Variants in FLCN observed in about 807,000 individuals in gnomAD.
The protein encoded by FLCN is folliculin, also known as BHD skin lesion fibrofolliculoma protein.
In FLCN, 22 loss-of-function variants were observed where a neutral mutation model predicts 62.5. The observed-to-expected ratio is 0.35, with a 90% CI of 0.25 to 0.50. The LOEUF is 0.50. Ranked by LOEUF, FLCN falls within the 20% of genes least tolerant of loss-of-function variation. The pLI, the probability that FLCN is intolerant of heterozygous loss-of-function variation, is 0.97. For missense variants in FLCN, 657 were observed against 778.0 expected (o/e 0.84, Z 1.85); for synonymous variants, 319 against 310.0 (o/e 1.03, Z -0.30).
Position 17,221,661 on chromosome 17 carries a change from C to T in FLCN, c.780-33G>A, listed in dbSNP as rs114077642. 6,628 of 1,598,142 alleles carry T rather than the reference C, an allele frequency of 4.1e-3. 222 individuals carry two copies. In the African/African-American group the frequency reaches 0.073, roughly 18 times the overall value. ...ACACAGCACCAGCTATGAGCGTTCT[C>T]GCCAAAGGAAAAAGCAAACCTGACG... On this transcript the variant is annotated intron_variant, in intron 7 of 13. Transcript: ENST00000285071.
At chr17:17,218,869 C>CT in intron 9 of FLCN, 150 bp downstream of exon 9, 1 of 807,226 alleles carries the variant, frequency 1.2e-6, no homozygotes, top group Non-Finnish European at 2.0e-6. Flanking sequence ...CCCCAACGCC[C>CT]TGTGCCCTCA....
intron 5 of FLCN, 82 bp downstream of exon 5, chr17:17,226,094 C>G: frequency 1.3e-6 from 2 of 1,585,286 alleles, no homozygotes; most frequent in Non-Finnish European, 1.7e-6. Flanking sequence ...CCTCCCTGTG[C>G]AATGCTGGCT....
intron 9 of FLCN, 78 bp downstream of exon 9, chr17:17,218,941 G>C (rs1378934221): frequency 6.5e-7 from 1 of 1,534,800 alleles, no homozygotes; most frequent in East Asian, 2.3e-5. Flanking sequence ...AGGGTCCAGA[G>C]GCAAGGCGTG....
intron 1 of FLCN, among the ~76,000 whole-genome samples, chr17:17,233,598 C>CA (rs71152852): frequency 0.16 from 11,779 of 75,020 alleles, 841 homozygotes; most frequent in East Asian, 0.21. Flanking sequence ...GACTCCATCT[C>CA]AAAAAAAAAA....
intron 6 of FLCN, among the ~76,000 whole-genome samples, 180 bp downstream of exon 6, chr17:17,223,742 A>T (rs1478340962): frequency 6.6e-6 from 1 of 152,248 alleles, no homozygotes; most frequent in East Asian, 1.9e-4. Flanking sequence ...AGCAGGCGGG[A>T]TGGCCTGGGA....
chr17:17,215,396 C>T (rs1208466486), intron 11 of FLCN, 80 bp from the exon 12 acceptor site: 1 of 1,604,696 alleles, frequency 6.2e-7, no homozygotes, highest in East Asian at 2.2e-5. Context: ...GTGGGCCCCA[C>T]TCCGCTCATC....
intron 6 of FLCN, 91 bp downstream of exon 6, chr17:17,223,831 G>T: frequency 1.5e-6 from 2 of 1,306,486 alleles, no homozygotes; most frequent in Non-Finnish European, 2.2e-6. Context: ...AGGGGAAGAC[G>T]CCACGCGGTC....
upstream of FLCN, chr17:17,237,208 C>T (rs944704662): frequency 6.6e-6 from 1 of 152,286 alleles, no homozygotes; most frequent in African/African-American, 2.4e-5. Context: ...TACCACCACC[C>T]AACACTGCGG....
At chr17:17,233,003 G>A (rs1018354055) in intron 1 of FLCN, 102 bp from the exon 2 acceptor site, 7 of 152,200 alleles carry the variant, frequency 4.6e-5, no homozygotes, top group Admixed American at 6.5e-5. Context: ...AAATAAGAAC[G>A]TGTCTGATGA....
intron 4 of FLCN, among the ~76,000 whole-genome samples, chr17:17,227,066 T>G (rs771435186): frequency 1.3e-5 from 2 of 152,036 alleles, no homozygotes; most frequent in African/African-American, 2.4e-5. Flanking sequence ...CATCCCCCAT[T>G]CCTTACAGGC....
At position 17,213,602 on chromosome 17, in the gene FLCN, T is replaced by A. The variant is rs111861140; in HGVS notation, c.*53A>T. The A allele has an allele frequency of 4.3e-6, 7 of 1,609,806 alleles. No individual in the cohort carries two copies. The highest frequency in any genetic ancestry group is 2.7e-5 in the African/African-American group (2 of 74,914). On this transcript the variant is annotated 3_prime_UTR_variant, in exon 14 of 14. Transcript: ENST00000285071. ...CAAGGGACAGTCCCTCTCACGGGGCTGGAGGATCCTGTGGACAGCCATCCC... is the reference window on the plus strand; with the variant it reads ...CAAGGGACAGTCCCTCTCACGGGGCAGGAGGATCCTGTGGACAGCCATCCC...
chr17:17,223,434 G>A (rs1258921119), intron 6 of FLCN, among the ~76,000 whole-genome samples: 1 of 134,448 alleles, frequency 7.4e-6, no homozygotes, highest in African/African-American at 2.6e-5. Flanking sequence ...TGCCTGCCAG[G>A]ACGACCACAG....
intron 4 of FLCN, 64 bp downstream of exon 4, chr17:17,227,825 G>A (rs1400095738): frequency 3.1e-6 from 5 of 1,612,446 alleles, no homozygotes; most frequent in Admixed American, 1.7e-5. Context: ...ACTGCTCTCA[G>A]GTCCTCCTGT....
chr17:17,226,326 T>A lies in FLCN; in HGVS notation c.250-4A>T. ...CTGCAGCAAGTGACCGGCAGCCCTG[T>A]CCATGAAAAGGAAAAGTAAATCTGT... On this transcript the variant is annotated splice_polypyrimidine_tract_variant and splice_region_variant and intron_variant, in intron 4 of 13. Transcript: ENST00000285071. The A allele has an allele frequency of 6.2e-7, 1 of 1,614,160 alleles. No individual in the cohort carries two copies. Among genetic ancestry groups the A allele is most frequent in the South Asian group, 1.1e-5 (1 of 91,078 alleles).
At chr17:17,220,163 A>G (rs2047048084) in intron 8 of FLCN, 1 of 152,212 alleles carries the variant, frequency 6.6e-6, no homozygotes, top group South Asian at 2.1e-4. Context: ...CTCCCAACGA[A>G]GCCTTCCAAG....
Position 17,215,141 on chromosome 17 carries a change from G to A in FLCN, c.1432+44C>T, listed in dbSNP as rs1173240809. ...AAGGGCAGGCGTTAGCGCGGGGCGG[G>A]GGCATCTTCTCACAAAAAGGACACT... is the stretch of plus-strand genomic sequence containing the variant. On this transcript the variant is annotated intron_variant, in intron 12 of 13. Transcript: ENST00000285071. 1.9e-6 allele frequency: 3 copies of A among 1,613,988 alleles called. No individual in the cohort carries two copies. The African/African-American group carries it at 4.0e-5, about 22-fold the overall frequency.
In FLCN at chr17:17,224,147, G is replaced by C; in HGVS notation, c.397-4C>G. The C allele has an allele frequency of 6.3e-7, 1 of 1,577,998 alleles. No individual in the cohort carries two copies. Among genetic ancestry groups the C allele is most frequent in the African/African-American group, 1.3e-5 (1 of 74,496 alleles). Reference sequence around the variant, plus strand: ...GGCCTTCACGGCCAGGGCAGACCTGGAGGGACACCGGCGACTCAGACAGCC... The same window carrying C: ...GGCCTTCACGGCCAGGGCAGACCTGCAGGGACACCGGCGACTCAGACAGCC... On this transcript the variant is annotated splice_polypyrimidine_tract_variant and splice_region_variant and intron_variant, in intron 5 of 13. Transcript: ENST00000285071.
intron 8 of FLCN, chr17:17,221,146 C>T: frequency 7.0e-7 from 1 of 1,420,974 alleles, no homozygotes; most frequent in South Asian, 1.4e-5. Context: ...GAACCACTGC[C>T]CTTCATGGAA....
intron 1 of FLCN, among the ~76,000 whole-genome samples, chr17:17,233,556 G>A (rs1310789505): frequency 3.7e-5 from 5 of 135,330 alleles, no homozygotes; most frequent in African/African-American, 1.4e-4. Flanking sequence ...CCAAGATCAC[G>A]GCACTGCACT....
Sources: allele counts gnomAD v4.1 joint callset (sites outside exome capture counted in the v4.1 genomes callset), GRCh38; gene constraint gnomAD v4.1.1; transcripts MANE v1.5; gene names NCBI Gene and HGNC (gene_info 2026-07-23, HGNC 2026-07-21).